Variants in FBXO25 observed in about 807,000 individuals in gnomAD.
FBXO25 encodes the protein F-box protein 25.
FBXO25 carries 45 observed loss-of-function variants against 51.9 expected under a neutral mutation model. The ratio of observed to expected loss-of-function variants is 0.87; its 90% CI spans 0.68 to 1.11. The LOEUF is 1.11. Ranked by LOEUF, FBXO25 falls within the 50% of genes most tolerant of loss-of-function variation. The pLI is 0.00. For synonymous variants in FBXO25, 199 were observed against 151.0 expected (o/e 1.32, Z -2.33); for missense variants, 507 against 428.5 (o/e 1.18, Z -1.62).
intron 9 of FBXO25, among the ~76,000 whole-genome samples, chr8:465,383 A>T (rs1359108409): frequency 6.6e-6 from 1 of 152,202 alleles, no homozygotes; most frequent in South Asian, 2.1e-4. Flanking sequence ...GTTTTGTACT[A>T]TAGAACTATT....
chr8:450,086 A>G lies in FBXO25; in HGVS notation c.475+3A>G, dbSNP rs1460593748. The stretch of plus-strand genomic sequence containing the variant: ...TTTGGATAAAATCGTTCAAAAGGGT[A>G]AGATGATCACTGTATTTTTAATACT... On this transcript the variant is annotated splice_donor_region_variant and intron_variant, in intron 6 of 9. Transcript: ENST00000350302. The G allele has an allele frequency of 1.9e-6, 3 of 1,598,302 alleles. No individual in the cohort carries two copies. The highest frequency in any genetic ancestry group is 2.2e-5 in the South Asian group (2 of 89,832).
chr8:439,266 G>A (rs193299885), intron 5 of FBXO25, among the ~76,000 whole-genome samples: 1 of 152,318 alleles, frequency 6.6e-6, no homozygotes, highest in East Asian at 1.9e-4. Flanking sequence ...GCCAGGAGGT[G>A]GCTTCTGACA....
chr8:449,529 T>A (rs1181359283), intron 5 of FBXO25, among the ~76,000 whole-genome samples: 1 of 152,264 alleles, frequency 6.6e-6, no homozygotes, highest in East Asian at 1.9e-4. Flanking sequence ...GTTTCCTTTT[T>A]AATTTCTACA....
At chr8:453,123 G>GT (rs1276787582) in intron 7 of FBXO25, among the ~76,000 whole-genome samples, 2 of 152,144 alleles carry the variant, frequency 1.3e-5, no homozygotes, top group Non-Finnish European at 2.9e-5. Flanking sequence ...AAGGATAGGT[G>GT]TTACTGTAGT....
At chr8:427,903 A>G (rs369497449) in intron 2 of FBXO25, among the ~76,000 whole-genome samples, 22 of 152,064 alleles carry the variant, frequency 1.4e-4, no homozygotes, top group Middle Eastern at 3.4e-3. Flanking sequence ...GATGGCCCAT[A>G]ACAGCACATT....
intron 5 of FBXO25, among the ~76,000 whole-genome samples, chr8:448,645 G>A (rs1325852762): frequency 6.6e-6 from 1 of 152,252 alleles, no homozygotes; most frequent in African/African-American, 2.4e-5. Context: ...CATCAGCTGT[G>A]TGGCTGAGGG....
At chr8:418,812 A>G (rs570137655) in intron 2 of FBXO25, among the ~76,000 whole-genome samples, 3 of 152,332 alleles carry the variant, frequency 2.0e-5, no homozygotes, top group Non-Finnish European at 4.4e-5. Flanking sequence ...TGGGAAGGGA[A>G]AGATTTTTTC....
intron 2 of FBXO25, among the ~76,000 whole-genome samples, chr8:430,922 A>G (rs1797784555): frequency 6.6e-6 from 1 of 152,234 alleles, no homozygotes; most frequent in Non-Finnish European, 1.5e-5. Flanking sequence ...GTAAACCCTT[A>G]TATAGGGAGT....
At chr8:449,964 C>G (rs545415694) in intron 5 of FBXO25, 26 bp from the exon 6 acceptor site, 1 of 1,507,288 alleles carries the variant, frequency 6.6e-7, no homozygotes, top group South Asian at 1.2e-5. Context: ...ATATATCGCT[C>G]AGCTTTTTTC....
Position 450,135 on chromosome 8 carries a change from T to C in FBXO25, c.475+52T>C. On this transcript the variant is annotated intron_variant, in intron 6 of 9. Coordinates refer to ENST00000350302, the MANE Select transcript of FBXO25 (RefSeq NM_183420.2). ...CTCTAAATCTTAATTAGAAATTTGG[T>C]GCAAGGAGATGGGATTTTTCTTTTA... The C allele has an allele frequency of 2.2e-6, 3 of 1,337,658 alleles. No individual in the cohort carries two copies. The East Asian group carries it at 7.0e-5, about 31-fold the overall frequency. 82.9% of individuals were successfully genotyped at this position (1,337,658 alleles called of 1,614,324 possible). A position where few individuals can be genotyped will look rare whatever the true frequency, so the allele number is the denominator to read the frequency against.
intron 5 of FBXO25, among the ~76,000 whole-genome samples, chr8:444,670 G>A (rs574590732): frequency 6.6e-6 from 1 of 152,202 alleles, no homozygotes; most frequent in South Asian, 2.1e-4. Flanking sequence ...ACGCAGTCAT[G>A]CACTACATAA....
At chr8:444,621 A>G (rs1487519883) in intron 5 of FBXO25, among the ~76,000 whole-genome samples, 4 of 152,172 alleles carry the variant, frequency 2.6e-5, no homozygotes, top group Non-Finnish European at 5.9e-5. Flanking sequence ...TAATTCTTCC[A>G]CATCTTTACT....
chr8:411,311 A>G (rs1221683130), intron 1 of FBXO25, among the ~76,000 whole-genome samples: 1 of 152,056 alleles, frequency 6.6e-6, no homozygotes. Context: ...TCTTTCCTGA[A>G]ATACATTTTT....
chr8:448,364 C>A (rs1182710050), intron 5 of FBXO25, among the ~76,000 whole-genome samples: 1 of 152,220 alleles, frequency 6.6e-6, no homozygotes, highest in East Asian at 1.9e-4. Flanking sequence ...AATGGCTGAA[C>A]AAACATGTCG....
In FBXO25 at chr8:458,507, C is replaced by G. The variant is rs1192345284; in HGVS notation, c.799C>G (p.Gln267Glu). 3.1e-6 allele frequency: 5 copies of G among 1,614,038 alleles called. No individual in the cohort carries two copies. Among genetic ancestry groups the G allele is most frequent in the East Asian group, 2.2e-5 (1 of 44,874 alleles). ...PTLYMLSEDR[Q>E]LWKKLCQYHF... ...GTTGTATATGCTTAGTGAAGACAGA[C>G]AGCTGTGGAAGAAGCTTTGTCAGTA... The change falls in exon 8 of 10, where the codon CAG becomes GAG. Residue 267 changes from glutamine to glutamate, a missense_variant. Transcript: ENST00000350302.
At chr8:467,608 T>G (rs1312290563) in intron 9 of FBXO25, 1 of 1,073,710 alleles carries the variant, frequency 9.3e-7, no homozygotes, top group Admixed American at 1.8e-5. Context: ...GTAAATAATA[T>G]GAATCAAACC....
rs1800602601 is a variant in FBXO25, at chr8:475,080, A to C, written c.*6276A>C. ...AAAAGTTTCCCTTATGTTTCTCCTA[A>C]ATGTTTTAGTTTTAGCTCTTAGTTT... On this transcript the variant is annotated 3_prime_UTR_variant, in exon 10 of 10. Coordinates refer to ENST00000350302, the MANE Select transcript of FBXO25 (RefSeq NM_183420.2). The C allele has an allele frequency of 2.7e-6, 1 of 374,770 alleles. No homozygotes were observed. The highest frequency in any genetic ancestry group is 7.2e-5 in the East Asian group (1 of 13,828). The allele number at this position is 374,770 out of a possible 1,614,324, so 23.2% of individuals were successfully genotyped here.
chr8:409,745 T>C (rs1015654180), intron 1 of FBXO25, among the ~76,000 whole-genome samples: 2 of 151,284 alleles, frequency 1.3e-5, no homozygotes, highest in Non-Finnish European at 3.0e-5. Flanking sequence ...CCTAGTTGTT[T>C]TTTTCTGTCT....
At chr8:456,200 C>A (rs1247632258) in intron 7 of FBXO25, among the ~76,000 whole-genome samples, 2 of 152,086 alleles carry the variant, frequency 1.3e-5, no homozygotes, top group African/African-American at 4.8e-5. Flanking sequence ...TGCACGTTAT[C>A]TTTTTGTTTT....
Sources: allele counts gnomAD v4.1 joint callset (sites outside exome capture counted in the v4.1 genomes callset), GRCh38; gene constraint gnomAD v4.1.1; transcripts MANE v1.5; gene names NCBI Gene and HGNC (gene_info 2026-07-23, HGNC 2026-07-21).